STK32B: variants seen among roughly 807,000 people sequenced by gnomAD.
STK32B encodes serine/threonine kinase 32B, also known as serine/threonine-protein kinase 32B.
Under a neutral mutation model 52.6 loss-of-function variants are expected in STK32B, and 43 were observed. The ratio of observed to expected loss-of-function variants is 0.82; its 90% confidence interval spans 0.64 to 1.05. The LOEUF is 1.05. Among genes scored for constraint, STK32B ranks in the 50% least tolerant of loss-of-function variants. STK32B has a pLI of 0.00. For synonymous variants in STK32B, 238 were observed against 204.3 expected (o/e 1.17, Z -1.41); for missense variants, 621 against 534.6 (o/e 1.16, Z -1.59).
intron 11 of STK32B, among the ~76,000 whole-genome samples, chr4:5,489,564 A>G (rs1719523020): frequency 6.6e-6 from 1 of 152,180 alleles, no homozygotes; most frequent in Admixed American, 6.5e-5. Context: ...TATGTAGACA[A>G]TTATGAAGAC....
intron 3 of STK32B, among the ~76,000 whole-genome samples, chr4:5,223,790 C>A (rs1723688161): frequency 7.1e-6 from 1 of 140,930 alleles, no homozygotes; most frequent in Non-Finnish European, 1.5e-5. Context: ...GCATTCCAGC[C>A]TGGGAGACAG....
Position 5,498,988 on chromosome 4 carries a change from G to T in STK32B, c.1150G>T (p.Asp384Tyr). 6.2e-7 allele frequency: 1 copy of T among 1,613,824 alleles called. No individual in the cohort carries two copies. The highest frequency in any genetic ancestry group is 2.2e-5 in the East Asian group (1 of 44,860). Residue 384 changes from aspartate to tyrosine, a missense_variant, in exon 12 of 12, where the codon GAC (aspartate) becomes TAC (tyrosine). Transcript: ENST00000282908. ...ACAGGGCAGCCAGCTCTTGGACACC[G>T]ACAGCCGAGGGGGAGGCCAGGCCCA... is the stretch of plus-strand genomic sequence containing the variant. Reference protein sequence around the residue: ...QGQGSQLLDTDSRGGGQAQSK... With the variant: ...QGQGSQLLDTYSRGGGQAQSK...
chr4:5,476,239 TAAG>T (rs2109187194), intron 11 of STK32B, among the ~76,000 whole-genome samples: 1 of 152,280 alleles, frequency 6.6e-6, no homozygotes, highest in South Asian at 2.1e-4. Context: ...CTGGAAAGAA[TAAG>T]TCATCCGTCT....
intron 1 of STK32B, among the ~76,000 whole-genome samples, chr4:5,129,368 C>G (rs753227149): frequency 2.0e-5 from 3 of 152,212 alleles, no homozygotes; most frequent in Non-Finnish European, 2.9e-5. Flanking sequence ...TCCTCAAGCT[C>G]TGGTGGACAT....
chr4:5,178,595 C>A (rs146529518), intron 3 of STK32B, among the ~76,000 whole-genome samples: 20 of 152,296 alleles, frequency 1.3e-4, no homozygotes, highest in African/African-American at 4.6e-4. Context: ...ATTTTCCAAA[C>A]GTTTATGCTC....
intron 3 of STK32B, among the ~76,000 whole-genome samples, chr4:5,298,338 C>G (rs1165321078): frequency 2.0e-5 from 3 of 152,192 alleles, no homozygotes; most frequent in Admixed American, 6.5e-5. Flanking sequence ...CTGCTGTCTT[C>G]AGAGCTGACA....
intron 1 of STK32B, among the ~76,000 whole-genome samples, chr4:5,125,059 T>A (rs1230035225): frequency 1.3e-5 from 2 of 152,106 alleles, no homozygotes; most frequent in Admixed American, 1.3e-4. Flanking sequence ...AGCCTCTAGG[T>A]GCTGAGAAGA....
At chr4:5,422,391 C>A (rs569080995) in intron 6 of STK32B, among the ~76,000 whole-genome samples, 1 of 152,124 alleles carries the variant, frequency 6.6e-6, no homozygotes, top group Admixed American at 6.5e-5. Context: ...ATGTTCCCAA[C>A]ACAGATTCAG....
chr4:5,130,042 C>T (rs6828029), intron 1 of STK32B, among the ~76,000 whole-genome samples: 126,253 of 152,016 alleles, frequency 0.83, 52,728 homozygotes, highest in South Asian at 0.88. Flanking sequence ...AGGAGGACAA[C>T]AAATATTTCT....
intron 3 of STK32B, among the ~76,000 whole-genome samples, chr4:5,280,243 A>G (rs74589698): frequency 0.055 from 8,419 of 152,148 alleles, 354 homozygotes; most frequent in African/African-American, 0.12. Flanking sequence ...ACAAATCTCT[A>G]GGGCAGGGCA....
intron 3 of STK32B, among the ~76,000 whole-genome samples, chr4:5,246,422 A>G (rs1389705680): frequency 1.3e-5 from 2 of 152,194 alleles, no homozygotes; most frequent in Admixed American, 6.5e-5. Context: ...TTTCAGCTCC[A>G]TCAGCTACTT....
At chr4:5,202,327 GC>G (rs765664052) in intron 3 of STK32B, among the ~76,000 whole-genome samples, 1 of 152,234 alleles carries the variant, frequency 6.6e-6, no homozygotes, top group Non-Finnish European at 1.5e-5. Flanking sequence ...GGGCCGCTCT[GC>G]CCCTGTGGCT....
At chr4:5,267,963 C>T (rs1211553067) in intron 3 of STK32B, among the ~76,000 whole-genome samples, 1 of 152,106 alleles carries the variant, frequency 6.6e-6, no homozygotes, top group South Asian at 2.1e-4. Flanking sequence ...GGCTTGCCAG[C>T]GATGCTTGGG....
At chr4:5,166,628 G>A (rs1718889446) in intron 2 of STK32B, among the ~76,000 whole-genome samples, 1 of 151,574 alleles carries the variant, frequency 6.6e-6, no homozygotes, top group African/African-American at 2.4e-5. Flanking sequence ...GGTTGCTGGA[G>A]CTGCCCAACT....
chr4:5,140,305 T>C, intron 2 of STK32B: 1 of 1,315,274 alleles, frequency 7.6e-7, no homozygotes, highest in Non-Finnish European at 9.9e-7. Context: ...TTTGTTGTTT[T>C]GGTAAGTTCA....
chr4:5,376,706 C>T (rs1363477777), intron 4 of STK32B, among the ~76,000 whole-genome samples: 3 of 152,138 alleles, frequency 2.0e-5, no homozygotes, highest in Admixed American at 1.3e-4. Flanking sequence ...CATTTCAGGT[C>T]GTTGGTCAGA....
chr4:5,040,670 G>A, the STK32B span, among the ~76,000 whole-genome samples: 2 of 152,138 alleles, frequency 1.3e-5, no homozygotes, highest in East Asian at 1.9e-4. Context: ...GGGATTACAG[G>A]TGCCACTGCG....
At chr4:5,205,711 T>C (rs140398902) in intron 3 of STK32B, among the ~76,000 whole-genome samples, 72,726 of 122,480 alleles carry the variant, frequency 0.59, 17,871 homozygotes, top group East Asian at 0.72. Flanking sequence ...CGCGTGTGTG[T>C]GTGTGTGTGT....
chr4:5,078,781 AC>A (rs1290517205), intron 1 of STK32B, among the ~76,000 whole-genome samples: 2 of 151,480 alleles, frequency 1.3e-5, no homozygotes, highest in Non-Finnish European at 2.9e-5. Flanking sequence ...TTCCCAGAAG[AC>A]CCCCTCCACC....
Sources: allele counts gnomAD v4.1 joint callset (sites outside exome capture counted in the v4.1 genomes callset), GRCh38; gene constraint gnomAD v4.1.1; transcripts MANE v1.5; gene names NCBI Gene and HGNC (gene_info 2026-07-23, HGNC 2026-07-21).